The following CARNMT1 variants were observed in gnomAD, a reference collection of about 807,000 sequenced individuals.
CARNMT1 encodes the protein carnosine N-methyltransferase 1.
Under a neutral mutation model 49.6 loss-of-function variants are expected in CARNMT1, and 28 were observed. The observed-to-expected ratio is 0.56, with a 90% CI of 0.42 to 0.77. The LOEUF is 0.77. CARNMT1 is among the 30% of genes least tolerant of loss of function. The pLI is 0.00. For missense variants in CARNMT1, 421 were observed against 512.6 expected, an observed-to-expected ratio of 0.82 and a Z score of 1.73; for synonymous variants, 178 against 175.0, an observed-to-expected ratio of 1.02 and a Z score of -0.13.
At chr9:75,002,738 T>C (rs1587272969) in intron 3 of CARNMT1, among the ~76,000 whole-genome samples, 1 of 152,078 alleles carries the variant, frequency 6.6e-6, no homozygotes, top group African/African-American at 2.4e-5. Flanking sequence ...AGAGCTAGTA[T>C]TGAATTTCTT....
intron 3 of CARNMT1, among the ~76,000 whole-genome samples, chr9:75,005,763 G>A (rs1023851360): frequency 6.7e-6 from 1 of 149,384 alleles, no homozygotes; most frequent in East Asian, 2.0e-4. Context: ...GTGAGCCACC[G>A]AGCCCGGCAA....
rs1832677764 is a variant in CARNMT1 at position 74,980,982 on chromosome 9, T to C, written c.*2785A>G. 2 of 152,162 alleles carry C rather than the reference T, an allele frequency of 1.3e-5. No individual in the cohort carries two copies. Among genetic ancestry groups the C allele is most frequent in the Admixed American group, 6.5e-5 (1 of 15,270 alleles). The allele number at this position is 152,162 out of a possible 1,614,324, so 9.4% of individuals were successfully genotyped here. On this transcript the variant is annotated 3_prime_UTR_variant, in exon 8 of 8. Transcript: ENST00000376834. ...CAACTCATTAAAATCCCCACATCTA[T>C]AGTTACATTAATTTAGATGAAAACC...
At chr9:75,020,154 T>C (rs1822301779) in intron 1 of CARNMT1, among the ~76,000 whole-genome samples, 2 of 152,218 alleles carry the variant, frequency 1.3e-5, no homozygotes, top group South Asian at 4.1e-4. Context: ...CACTGTAATA[T>C]TCCTTACATT....
At chr9:75,007,827 T>A (rs1224505338) in intron 3 of CARNMT1, among the ~76,000 whole-genome samples, 4 of 150,272 alleles carry the variant, frequency 2.7e-5, no homozygotes, top group African/African-American at 9.8e-5. Flanking sequence ...GGTGAAAGAC[T>A]GAAAGCTTTC....
chr9:75,014,915 T>G (rs1376961263), intron 3 of CARNMT1, among the ~76,000 whole-genome samples: 3 of 152,112 alleles, frequency 2.0e-5, no homozygotes, highest in Non-Finnish European at 1.5e-5. Context: ...GACACATATG[T>G]ATTGAAATTT....
intron 6 of CARNMT1, among the ~76,000 whole-genome samples, chr9:74,988,272 T>C (rs957467233): frequency 1.3e-5 from 2 of 152,116 alleles, no homozygotes; most frequent in Admixed American, 6.6e-5. Flanking sequence ...GTTTTTTTCT[T>C]TGATTATAAG....
intron 3 of CARNMT1, among the ~76,000 whole-genome samples, chr9:75,000,262 C>T (rs1013492891): frequency 6.6e-6 from 1 of 152,060 alleles, no homozygotes; most frequent in African/African-American, 2.4e-5. Flanking sequence ...ACAATAAATA[C>T]AACATAACTT....
At chr9:74,984,109 T>C (rs929896356) in intron 7 of CARNMT1, among the ~76,000 whole-genome samples, 2 of 152,344 alleles carry the variant, frequency 1.3e-5, no homozygotes, top group Non-Finnish European at 1.5e-5. Context: ...TGAACTACTA[T>C]AATATGTTGC....
chr9:74,989,108 C>G (rs557509354), intron 6 of CARNMT1, among the ~76,000 whole-genome samples: 4 of 152,010 alleles, frequency 2.6e-5, no homozygotes, highest in Non-Finnish European at 5.9e-5. Context: ...TACATTTATT[C>G]TTTTTTTCAT....
intron 1 of CARNMT1, among the ~76,000 whole-genome samples, chr9:75,020,271 T>TC (rs1564106735): frequency 2.7e-5 from 4 of 147,280 alleles, no homozygotes; most frequent in African/African-American, 9.9e-5. Context: ...TTTCTTCTTT[T>TC]TTTTTTTTTT....
chr9:74,999,906 A>C lies in CARNMT1; in HGVS notation c.591-36T>G, dbSNP rs1173322196. On this transcript the variant is annotated intron_variant, in intron 3 of 7. Transcript: ENST00000376834. ...ATAAGGCAATTATGTCCAACCCCTC[A>C]AAGAAAAAAAGGAAAAGACAAAATC... 2.6e-6 allele frequency: 4 copies of C among 1,559,366 alleles called. No homozygotes were observed. The African/African-American group carries it at 4.2e-5, about 16-fold the overall frequency.
At position 74,984,965 on chromosome 9, in the gene CARNMT1, A is replaced by G; in HGVS notation, c.1070T>C (p.Ile357Thr). 2 of 1,613,906 alleles carry G rather than the reference A, an allele frequency of 1.2e-6. No individual in the cohort carries two copies. Among genetic ancestry groups the G allele is most frequent in the Non-Finnish European group, 8.5e-7 (1 of 1,179,882 alleles). The change falls in exon 7 of 8, where the codon ATA (isoleucine) becomes ACA (threonine). Residue 357 changes from isoleucine (I) to threonine (T), a missense_variant. Physicochemically the swap from Ile to Thr is moderately conservative, Grantham distance 89. Around this residue, in one of 2 missense-constraint regions of CARNMT1, gnomAD observed 235 missense variants for 344.8 expected, o/e 0.68. Coordinates refer to ENST00000376834, the MANE Select transcript of CARNMT1 (RefSeq NM_152420.3). ...TTTTATATCCTCATAGCTCAATTCT[A>G]TGGAAAGTTCATTTGCCAGATTTTC... ...HFENLANELSIELSYEDIKNV... is the reference protein window; with the variant it reads ...HFENLANELSTELSYEDIKNV...
chr9:74,983,768 T>G lies in CARNMT1; in HGVS notation c.1229A>C (p.Ter410SerextTer17), dbSNP rs1199898066. 7 of 1,583,436 alleles carry G rather than the reference T, an allele frequency of 4.4e-6. No individual in the cohort carries two copies. The highest frequency in any genetic ancestry group is 6.0e-6 in the Non-Finnish European group (7 of 1,160,344). The change falls in exon 8 of 8, where the codon TAA (stop) becomes TCA (serine). Residue 410 changes from the stop codon to serine (S), a stop_lost. Coordinates refer to ENST00000376834, the MANE Select transcript of CARNMT1 (RefSeq NM_152420.3). ...TCCAGGTGGTATCACTTGAGACCATTATTGTGGCTTACGGACCACAAACAA... is the reference window on the plus strand; with the variant it reads ...TCCAGGTGGTATCACTTGAGACCATGATTGTGGCTTACGGACCACAAACAA... ...CVLFVVRKPQ[*>S]
In CARNMT1 at chr9:75,017,180, C is replaced by A. The variant is rs187543587; in HGVS notation, c.426+73G>T. 7.1e-5 allele frequency: 83 copies of A among 1,170,338 alleles called. No homozygotes were observed. The East Asian group carries it at 1.1e-3, about 15-fold the overall frequency. 72.5% of individuals were successfully genotyped at this position (1,170,338 alleles called of 1,614,324 possible). ...CTGTGCCAGATTATAAAAATGAAATCCAGAAAATAAAAGACCTCAAAATAC... is the reference window on the plus strand; with the variant it reads ...CTGTGCCAGATTATAAAAATGAAATACAGAAAATAAAAGACCTCAAAATAC... On this transcript the variant is annotated intron_variant, in intron 2 of 7. Transcript: ENST00000376834.
chr9:75,017,945 T>A (rs534587056), intron 1 of CARNMT1, among the ~76,000 whole-genome samples: 1 of 152,304 alleles, frequency 6.6e-6, no homozygotes, highest in Admixed American at 6.5e-5. Context: ...TAAAATTCTA[T>A]AGTGTTTTAC....
chr9:74,989,159 T>C (rs1242725782), intron 6 of CARNMT1, among the ~76,000 whole-genome samples: 1 of 152,212 alleles, frequency 6.6e-6, no homozygotes, highest in Non-Finnish European at 1.5e-5. Context: ...TCACCCAGGT[T>C]GAAGTACAAT....
At chr9:75,023,494 A>G (rs769541312) in intron 1 of CARNMT1, among the ~76,000 whole-genome samples, 1 of 152,194 alleles carries the variant, frequency 6.6e-6, no homozygotes, top group African/African-American at 2.4e-5. Context: ...TTTGATACAG[A>G]AGTAACTACA....
At chr9:74,987,156 A>C (rs1027536173) in intron 6 of CARNMT1, among the ~76,000 whole-genome samples, 2 of 152,236 alleles carry the variant, frequency 1.3e-5, no homozygotes, top group Non-Finnish European at 2.9e-5. Context: ...AATTGCAATA[A>C]GTACTTATTT....
intron 1 of CARNMT1, 71 bp from the exon 2 acceptor site, chr9:75,017,519 G>A: frequency 7.7e-7 from 1 of 1,307,104 alleles, no homozygotes; most frequent in Non-Finnish European, 1.1e-6. Flanking sequence ...CTTTAAGGTT[G>A]TCTTTCTGTA....
Sources: allele counts gnomAD v4.1 joint callset (sites outside exome capture counted in the v4.1 genomes callset), GRCh38; gene constraint gnomAD v4.1.1; regional missense constraint gnomAD v4.1.1; transcripts MANE v1.5; gene names NCBI Gene and HGNC (gene_info 2026-07-23, HGNC 2026-07-21).